The following SDCBP variants were observed in gnomAD, a reference collection of about 807,000 sequenced individuals.
SDCBP encodes the protein syndecan binding protein.
A neutral mutation model predicts 30.5 loss-of-function variants in SDCBP; 22 were observed. That is an observed-to-expected ratio of 0.72 (90% confidence interval 0.52 to 1.03). The LOEUF (loss-of-function observed/expected upper bound fraction) is 1.03. Ranked by LOEUF, SDCBP falls within the 50% of genes least tolerant of loss-of-function variation. The pLI, the probability that SDCBP is intolerant of heterozygous loss-of-function variation, is 0.00. For missense variants in SDCBP, 304 were observed against 369.9 expected (o/e 0.82, Z 1.46); for synonymous variants, 103 against 118.7 (o/e 0.87, Z 0.86).
At chr8:58,553,879 T>C (rs144250130) in intron 1 of SDCBP, among the ~76,000 whole-genome samples, 1 of 152,312 alleles carries the variant, frequency 6.6e-6, no homozygotes, top group East Asian at 1.9e-4. Flanking sequence ...GTTGTTCGCT[T>C]TGAGCTTTTT....
chr8:58,580,400 GA>G (rs765390892), intron 7 of SDCBP, 116 bp from the exon 8 acceptor site: 286 of 602,348 alleles, frequency 4.7e-4, no homozygotes, highest in Non-Finnish European at 6.2e-4. Context: ...AGAAATACTA[GA>G]AAAAATTAGA....
At chr8:58,581,647 C>G in intron 8 of SDCBP, 39 bp from the exon 9 acceptor site, 1 of 1,530,746 alleles carries the variant, frequency 6.5e-7, no homozygotes, top group Non-Finnish European at 9.0e-7. Context: ...AAAACAAAAA[C>G]CAGAATCTCG....
chr8:58,578,152 G>A lies in SDCBP; in HGVS notation c.522G>A (p.Ala174=), dbSNP rs768070111. The change falls in exon 6 of 9, where the codon GCG becomes GCA. Residue 174 remains alanine, a synonymous_variant. Coordinates refer to ENST00000260130, the MANE Select transcript of SDCBP (RefSeq NM_005625.4). ...GTGCAGGATGGAGCTCTGATAAAGC[G>A]CACAAGGTGCTCAAACAGGCTTTTG... ...ENCAGWSSDK[A]HKVLKQAFGE... is the part of the protein sequence containing the mutation. 26 of 1,607,582 alleles carry A rather than the reference G, an allele frequency of 1.6e-5. No individual in the cohort carries two copies. The highest frequency in any genetic ancestry group is 5.6e-5 in the South Asian group (5 of 90,024).
chr8:58,572,800 CTTTTTTTT>C (rs947602204), intron 4 of SDCBP, among the ~76,000 whole-genome samples: 4 of 83,140 alleles, frequency 4.8e-5, no homozygotes, highest in African/African-American at 2.0e-4. Context: ...TGCTCATAAT[CTTTTTTTT>C]TTTTTTTTTT....
rs756936045 is a variant in SDCBP, at chr8:58,578,202, G to A, written c.572G>A (p.Arg191His). 1.0e-5 allele frequency: 16 copies of A among 1,552,934 alleles called. No individual in the cohort carries two copies. Among genetic ancestry groups the A allele is most frequent in the African/African-American group, 2.8e-5 (2 of 71,476 alleles). ...GGAGAGAAGATTACCATGACCATTC[G>A]TGACAGGTAAGCTGTTACTAAACAG... Reference protein sequence around the residue: ...AFGEKITMTIRDRPFERTITM... With the variant: ...AFGEKITMTIHDRPFERTITM... Residue 191 changes from arginine (R) to histidine (H), a missense_variant, in exon 6 of 9, where the codon CGT becomes CAT. Transcript: ENST00000260130.
intron 5 of SDCBP, among the ~76,000 whole-genome samples, chr8:58,577,216 A>G (rs536384268): frequency 1.3e-5 from 2 of 152,370 alleles, no homozygotes; most frequent in South Asian, 4.1e-4. Flanking sequence ...GTTCTTGCTT[A>G]TCATTCTACA....
At chr8:58,565,245 G>GA in intron 2 of SDCBP, among the ~76,000 whole-genome samples, 161 bp downstream of exon 2, 1 of 151,976 alleles carries the variant, frequency 6.6e-6, no homozygotes, top group South Asian at 2.1e-4. Context: ...AAAGTTTACA[G>GA]AAAAATTAGC....
intron 5 of SDCBP, 71 bp downstream of exon 5, chr8:58,576,132 TTTGAAATGGAAA>T: frequency 8.7e-7 from 1 of 1,143,288 alleles, no homozygotes; most frequent in East Asian, 2.5e-5. Context: ...GTTAAAATAA[TTTGAAATGGAAA>T]TGCTTTAATT....
At chr8:58,562,970 C>T (rs1465028678) in intron 1 of SDCBP, among the ~76,000 whole-genome samples, 6 of 152,040 alleles carry the variant, frequency 3.9e-5, no homozygotes, top group African/African-American at 1.4e-4. Context: ...GTGACTGTGT[C>T]CCTCCATTCA....
In SDCBP at chr8:58,565,101, A is replaced by T; in HGVS notation, c.51+17A>T. The T allele has an allele frequency of 6.9e-7, 1 of 1,442,098 alleles. No homozygotes were observed. Among genetic ancestry groups the T allele is most frequent in the South Asian group, 1.2e-5 (1 of 80,546 alleles). 89.3% of individuals were successfully genotyped at this position (1,442,098 alleles called of 1,614,324 possible). A position where few individuals can be genotyped will look rare whatever the true frequency, so the allele number is the denominator to read the frequency against. On this transcript the variant is annotated intron_variant, in intron 2 of 8. Transcript: ENST00000260130. Reference sequence around the variant, plus strand: ...GTAATTCAGGTATGATAGTTTAAATACTTTTGTCAAAACAAACACAGTAAC... The same window carrying T: ...GTAATTCAGGTATGATAGTTTAAATTCTTTTGTCAAAACAAACACAGTAAC...
At chr8:58,569,400 A>G (rs1028473234) in intron 2 of SDCBP, among the ~76,000 whole-genome samples, 4 of 151,422 alleles carry the variant, frequency 2.6e-5, no homozygotes, top group Admixed American at 6.6e-5. Context: ...GGGTTTTCCT[A>G]TGTTGCCCAG....
intron 4 of SDCBP, among the ~76,000 whole-genome samples, chr8:58,573,300 C>G (rs1017292369): frequency 6.6e-6 from 1 of 152,076 alleles, no homozygotes; most frequent in Admixed American, 6.5e-5. Context: ...AATGCATATA[C>G]AGTACCTGGC....
chr8:58,576,017 G>A lies in SDCBP; in HGVS notation c.358G>A (p.Asp120Asn), dbSNP rs1462930732. 1 of 1,613,576 alleles carries A rather than the reference G, an allele frequency of 6.2e-7. No homozygotes were observed. The highest frequency in any genetic ancestry group is 1.7e-5 in the Admixed American group (1 of 60,012). ...GATTCGTGAAGTCATTTTGTGTAAG[G>A]ATCAAGATGGAAAAATTGGACTCAG... ...QGIREVILCK[D>N]QDGKIGLRLK... is the part of the protein sequence containing the mutation. Residue 120 changes from aspartate to asparagine, a missense_variant, in exon 5 of 9, where the codon GAT becomes AAT. Physicochemically the swap from Asp to Asn is conservative, Grantham distance 23. Coordinates refer to ENST00000260130, the MANE Select transcript of SDCBP (RefSeq NM_005625.4).
chr8:58,568,505 A>G (rs900743582), intron 2 of SDCBP, among the ~76,000 whole-genome samples: 2 of 152,342 alleles, frequency 1.3e-5, no homozygotes, highest in South Asian at 2.1e-4. Flanking sequence ...TCTAAAGGGT[A>G]TAACACAGGA....
intron 4 of SDCBP, 109 bp downstream of exon 4, chr8:58,572,423 C>T: frequency 1.5e-6 from 1 of 659,654 alleles, no homozygotes; most frequent in Non-Finnish European, 2.6e-6. Context: ...CATTGAACCT[C>T]ACTTCTCAGA....
chr8:58,575,671 G>A (rs1016361107), intron 4 of SDCBP, among the ~76,000 whole-genome samples: 3 of 152,150 alleles, frequency 2.0e-5, no homozygotes, highest in African/African-American at 7.2e-5. Flanking sequence ...AATTCAAAGG[G>A]CAACAGAGAG....
Position 58,576,025 on chromosome 8 carries a change from T to C in SDCBP, c.366T>C (p.Asp122=). Residue 122 remains aspartate, a synonymous_variant, in exon 5 of 9, where the codon GAT becomes GAC. Coordinates refer to ENST00000260130, the MANE Select transcript of SDCBP (RefSeq NM_005625.4). The part of the protein sequence containing the change: ...IREVILCKDQ[D]GKIGLRLKSI... ...AAGTCATTTTGTGTAAGGATCAAGATGGAAAAATTGGACTCAGGCTTAAAT... is the reference window on the plus strand; with the variant it reads ...AAGTCATTTTGTGTAAGGATCAAGACGGAAAAATTGGACTCAGGCTTAAAT... 6.2e-7 allele frequency: 1 copy of C among 1,613,632 alleles called. No homozygotes were observed. The highest frequency in any genetic ancestry group is 2.2e-5 in the East Asian group (1 of 44,820).
intron 1 of SDCBP, among the ~76,000 whole-genome samples, chr8:58,554,299 T>C (rs1329148448): frequency 1.3e-5 from 2 of 152,222 alleles, no homozygotes; most frequent in Non-Finnish European, 2.9e-5. Flanking sequence ...TAAATTAAAT[T>C]GATTTCTAAA....
intron 6 of SDCBP, among the ~76,000 whole-genome samples, 195 bp from the exon 7 acceptor site, chr8:58,579,428 C>T (rs968863525): frequency 6.6e-6 from 1 of 151,866 alleles, no homozygotes; most frequent in African/African-American, 2.4e-5. Context: ...TCAGTCAAAC[C>T]ATAATGAATA....
Sources: gnomAD v4.1 joint callset for allele counts (sites outside exome capture counted in the v4.1 genomes callset) on GRCh38, gnomAD v4.1.1 for gene constraint, MANE v1.5 for transcripts, NCBI Gene and HGNC (gene_info 2026-07-23, HGNC 2026-07-21) for gene names.